The following PTBP3 variants were observed in gnomAD, a reference collection of about 807,000 sequenced individuals.
PTBP3 encodes polypyrimidine tract binding protein 3, also known as polypyrimidine tract-binding protein 3.
A neutral mutation model predicts 58.7 loss-of-function variants in PTBP3; 20 were observed. The observed-to-expected ratio is 0.34, with a 90% confidence interval of 0.24 to 0.50. The LOEUF is 0.50. Among genes scored for constraint, PTBP3 ranks in the 20% least tolerant of loss-of-function variants. The probability of loss-of-function intolerance (pLI) is 0.98; values close to 1 mark genes in which losing one functional copy is unlikely to be tolerated. For synonymous variants in PTBP3, 185 were observed against 219.8 expected, an observed-to-expected ratio of 0.84 and a Z score of 1.40; for missense variants, 509 against 637.2, an observed-to-expected ratio of 0.80 and a Z score of 2.17.
chr9:112,224,925 T>C (rs924874010), intron 12 of PTBP3, among the ~76,000 whole-genome samples: 1 of 152,174 alleles, frequency 6.6e-6, no homozygotes, highest in Admixed American at 6.5e-5. Flanking sequence ...ATTTTGGAAA[T>C]GGATCCTCTA....
At chr9:112,287,677 G>A (rs541030824) in intron 2 of PTBP3, among the ~76,000 whole-genome samples, 1 of 152,108 alleles carries the variant, frequency 6.6e-6, no homozygotes, top group South Asian at 2.1e-4. Context: ...AGTTTCTTTT[G>A]CTATCTTCAA....
intron 1 of PTBP3, among the ~76,000 whole-genome samples, chr9:112,320,314 A>ATATATATATATAATTT: frequency 1.3e-5 from 1 of 75,728 alleles, no homozygotes; most frequent in Non-Finnish European, 2.3e-5. Context: ...ATATATATAT[A>ATATATATATATAATTT]TTTTTTTTTA....
the PTBP3 span, among the ~76,000 whole-genome samples, chr9:112,369,430 C>T: frequency 6.6e-6 from 1 of 152,218 alleles, no homozygotes; most frequent in Non-Finnish European, 1.5e-5. Flanking sequence ...GGATGTGAGA[C>T]ACGGAGTCAA....
chr9:112,233,272 G>GGTGTGTGT (rs72086685), intron 8 of PTBP3, among the ~76,000 whole-genome samples: 26 of 144,302 alleles, frequency 1.8e-4, no homozygotes, highest in East Asian at 1.0e-3. Context: ...TACACTGTAG[G>GGTGTGTGT]GTGTGTGTGT....
At chr9:112,249,044 A>C (rs1458786300) in intron 7 of PTBP3, among the ~76,000 whole-genome samples, 1 of 152,214 alleles carries the variant, frequency 6.6e-6, no homozygotes, top group Admixed American at 6.5e-5. Flanking sequence ...TAAGGTTCTA[A>C]ATACAGCTTT....
chr9:112,262,353 T>G, intron 5 of PTBP3, 82 bp downstream of exon 5: 1 of 1,173,192 alleles, frequency 8.5e-7, no homozygotes, highest in African/African-American at 1.6e-5. Context: ...ACCAATAAGC[T>G]AAACAACTTA....
chr9:112,294,496 A>T (rs7857247), intron 2 of PTBP3, among the ~76,000 whole-genome samples: 1 of 152,086 alleles, frequency 6.6e-6, no homozygotes, highest in African/African-American at 2.4e-5. Flanking sequence ...CCAGGCTAGA[A>T]AACAGACCAA....
chr9:112,244,376 G>A (rs2132042680), intron 7 of PTBP3, among the ~76,000 whole-genome samples: 1 of 150,574 alleles, frequency 6.6e-6, no homozygotes, highest in Non-Finnish European at 1.5e-5. Flanking sequence ...ACTTTACTGA[G>A]AGACATGAAC....
chr9:112,276,616 T>C (rs1231564130), intron 2 of PTBP3, among the ~76,000 whole-genome samples: 2 of 152,094 alleles, frequency 1.3e-5, no homozygotes, highest in African/African-American at 4.8e-5. Flanking sequence ...TTGCTGAAAA[T>C]GGAAATTTCC....
intron 2 of PTBP3, among the ~76,000 whole-genome samples, chr9:112,296,511 G>A (rs775516367): frequency 6.6e-6 from 1 of 151,920 alleles, no homozygotes; most frequent in Non-Finnish European, 1.5e-5. Flanking sequence ...TAAGCTCCTG[G>A]TCTGGAAAAG....
In PTBP3 at chr9:112,220,087, T is replaced by G; in HGVS notation, c.*3764A>C. 1.7e-6 allele frequency: 2 copies of G among 1,211,412 alleles called. No homozygotes were observed. Among genetic ancestry groups the G allele is most frequent in the South Asian group, 3.0e-5 (2 of 66,896 alleles). The allele number at this position is 1,211,412 out of a possible 1,614,324, so 75.0% of individuals were successfully genotyped here. A position where few individuals can be genotyped will look rare whatever the true frequency, so the allele number is the denominator to read the frequency against. ...GCTAAGAAAAATGCTTTACGCATCG[T>G]CACGCTGTCTCTTTTTGGTTTTAAA... On this transcript the variant is annotated 3_prime_UTR_variant, in exon 14 of 14. Transcript: ENST00000374257.
chr9:112,301,215 A>G (rs7853791), intron 1 of PTBP3, among the ~76,000 whole-genome samples: 6,585 of 152,254 alleles, frequency 0.043, 406 homozygotes, highest in African/African-American at 0.14. Flanking sequence ...AAAGAAGGCC[A>G]GTAAGTACAT....
At chr9:112,318,403 C>A (rs572420047) in intron 1 of PTBP3, among the ~76,000 whole-genome samples, 25 of 152,270 alleles carry the variant, frequency 1.6e-4, no homozygotes, top group African/African-American at 5.8e-4. Context: ...AAATGGCATA[C>A]ATGTGCAAAA....
intron 7 of PTBP3, among the ~76,000 whole-genome samples, chr9:112,242,386 C>T (rs761698320): frequency 8.0e-6 from 1 of 125,518 alleles, no homozygotes; most frequent in Non-Finnish European, 1.6e-5. Flanking sequence ...TTGGTTTTAT[C>T]TTTCAAGCAG....
intron 1 of PTBP3, among the ~76,000 whole-genome samples, chr9:112,309,738 A>C (rs569170957): frequency 6.6e-6 from 1 of 151,686 alleles, no homozygotes; most frequent in Admixed American, 6.6e-5. Context: ...CAGTGAGCTG[A>C]GATTGTGCCA....
chr9:112,231,265 C>A, intron 10 of PTBP3, 115 bp downstream of exon 10: 1 of 732,338 alleles, frequency 1.4e-6, no homozygotes, highest in South Asian at 2.6e-5. Context: ...CTGTTTTATC[C>A]TCAGTGTCAG....
rs1834810237 is a variant in PTBP3, at chr9:112,221,610, G to A, written c.*2241C>T. 1.0e-6 allele frequency: 1 copy of A among 985,298 alleles called. No homozygotes were observed. Among genetic ancestry groups the A allele is most frequent in the Non-Finnish European group, 1.2e-6 (1 of 829,886 alleles). 61.0% of individuals were successfully genotyped at this position (985,298 alleles called of 1,614,324 possible). On this transcript the variant is annotated 3_prime_UTR_variant, in exon 14 of 14. Coordinates refer to ENST00000374257, the MANE Select transcript of PTBP3 (RefSeq NM_001163788.4). ...TTTTTTCCTCCTTCATATACCCCTT[G>A]TGTCTAGGTCAAAACTTATTTCATA...
chr9:112,281,992 A>G (rs1181887925), intron 2 of PTBP3, among the ~76,000 whole-genome samples: 1 of 43,358 alleles, frequency 2.3e-5, no homozygotes, highest in Non-Finnish European at 3.9e-5. Context: ...TTGCTGGCTG[A>G]CTTTTCAGTG....
At chr9:112,298,511 G>C (rs750710137) in intron 1 of PTBP3, 3 of 497,154 alleles carry the variant, frequency 6.0e-6, no homozygotes, top group South Asian at 3.0e-5. Context: ...ACTCAGAGAA[G>C]TCTTTTCATT....
Sources: gnomAD v4.1 joint callset for allele counts (sites outside exome capture counted in the v4.1 genomes callset) on GRCh38, gnomAD v4.1.1 for gene constraint, MANE v1.5 for transcripts, NCBI Gene and HGNC (gene_info 2026-07-23, HGNC 2026-07-21) for gene names.